NCOA2: variants seen among roughly 807,000 people sequenced by gnomAD.
NCOA2 encodes the protein nuclear receptor coactivator 2, also known as class E basic helix-loop-helix protein 75.
Under a neutral mutation model 145.1 loss-of-function variants are expected in NCOA2, and 21 were observed. The ratio of observed to expected loss-of-function variants is 0.14; its 90% CI spans 0.10 to 0.21. The LOEUF (loss-of-function observed/expected upper bound fraction) is 0.21. Ranked by LOEUF, NCOA2 falls within the 10% of genes least tolerant of loss-of-function variation. The pLI is 1.00. For synonymous variants in NCOA2, 619 were observed against 637.5 expected (o/e 0.97, Z 0.44); for missense variants, 1,472 against 1,837.6 (o/e 0.80, Z 3.64).
chr8:70,420,460 A>G, the NCOA2 span, among the ~76,000 whole-genome samples: 1 of 152,210 alleles, frequency 6.6e-6, no homozygotes, highest in Non-Finnish European at 1.5e-5. Flanking sequence ...GCTGAGAACT[A>G]CTATGCTAAC....
At chr8:70,165,907 C>T (rs1428273396) in intron 7 of NCOA2, among the ~76,000 whole-genome samples, 2 of 152,194 alleles carry the variant, frequency 1.3e-5, no homozygotes, top group Non-Finnish European at 2.9e-5. Flanking sequence ...GCAACCTCCG[C>T]CTCTCAGGTT....
intron 1 of NCOA2, among the ~76,000 whole-genome samples, chr8:70,356,226 G>A (rs1460169249): frequency 1.3e-5 from 2 of 152,166 alleles, no homozygotes. Context: ...GGAAGCTGAG[G>A]TAGGCATATG....
chr8:70,288,480 C>T (rs1294902498), intron 2 of NCOA2, among the ~76,000 whole-genome samples: 1 of 151,930 alleles, frequency 6.6e-6, no homozygotes, highest in Non-Finnish European at 1.5e-5. Flanking sequence ...CTCGGGGAAG[C>T]TGAGGCAGGA....
At chr8:70,403,853 TC>T, upstream of NCOA2, 1 of 378,724 alleles carries the variant, frequency 2.6e-6, no homozygotes, top group East Asian at 3.8e-5. Context: ...AACTCCCTCC[TC>T]CTCCTCCTCC....
chr8:70,419,230 G>A, the NCOA2 span, among the ~76,000 whole-genome samples: 1 of 151,852 alleles, frequency 6.6e-6, no homozygotes, highest in Non-Finnish European at 1.5e-5. Context: ...TTTTAAGTAG[G>A]GACATTGTTG....
In NCOA2 at chr8:70,228,500, T is replaced by C. The variant is rs193187630; in HGVS notation, c.-19-11736A>G. Among the ~76,000 whole-genome samples the C allele has an allele frequency of 4.3e-3, 650 of 152,320 alleles. 2 individuals are homozygous for C. The highest frequency in any genetic ancestry group is 0.01 in the African/African-American group (430 of 41,572). On this transcript the variant is annotated intron_variant, in intron 2 of 22. Coordinates refer to ENST00000452400, the MANE Select transcript of NCOA2 (RefSeq NM_006540.4). ...ACGCTTTGTGGAACTAAATATGTAA[T>C]TGGATTCAAGAAAGGTAGCTTCTAG... is the stretch of plus-strand genomic sequence containing the variant.
intron 2 of NCOA2, among the ~76,000 whole-genome samples, chr8:70,266,037 C>T (rs1203541062): frequency 6.6e-6 from 1 of 152,178 alleles, no homozygotes; most frequent in African/African-American, 2.4e-5. Flanking sequence ...GTAGGCCCAG[C>T]TGCTCAGGAG....
At chr8:70,310,727 T>G (rs1288405176) in intron 1 of NCOA2, among the ~76,000 whole-genome samples, 1 of 152,188 alleles carries the variant, frequency 6.6e-6, no homozygotes, top group African/African-American at 2.4e-5. Context: ...TCTGTCTAGG[T>G]GTGCTACAAT....
At chr8:70,170,119 C>T in intron 6 of NCOA2, 83 bp downstream of exon 6, 1 of 1,286,828 alleles carries the variant, frequency 7.8e-7, no homozygotes. Flanking sequence ...TTATTTGATC[C>T]ACTTCAACCA....
At position 70,163,516 on chromosome 8, in the gene NCOA2, T is replaced by G; in HGVS notation, c.781A>C (p.Arg261=). ...CTTTCTGATGAGGGAAGAACTGGTC[T>G]TTCCTTCATGGGAACTCTTCTTGCC... The part of the protein sequence containing the change: ...CVARRVPMKE[R]PVLPSSESFT... The change falls in exon 8 of 23, where the codon AGA becomes CGA. Residue 261 remains arginine (R), a synonymous_variant. Transcript: ENST00000452400. 6.2e-7 allele frequency: 1 copy of G among 1,613,984 alleles called. No individual in the cohort carries two copies. Among genetic ancestry groups the G allele is most frequent in the South Asian group, 1.1e-5 (1 of 91,086 alleles).
intron 4 of NCOA2, among the ~76,000 whole-genome samples, chr8:70,184,269 C>A (rs990561170): frequency 1.3e-5 from 2 of 152,160 alleles, no homozygotes; most frequent in Admixed American, 1.3e-4. Context: ...AGTCCAGATT[C>A]TCATCTAGGA....
intron 1 of NCOA2, among the ~76,000 whole-genome samples, chr8:70,332,182 T>C (rs891984723): frequency 6.6e-6 from 1 of 152,138 alleles, no homozygotes; most frequent in Non-Finnish European, 1.5e-5. Flanking sequence ...CTGGACAAAG[T>C]AAATACATTT....
intron 2 of NCOA2, among the ~76,000 whole-genome samples, chr8:70,230,029 G>C (rs1421199637): frequency 2.0e-5 from 3 of 152,178 alleles, no homozygotes; most frequent in African/African-American, 7.2e-5. Context: ...TTACTTTGTA[G>C]AGTCTGAAAA....
At chr8:70,193,761 T>C (rs367913184) in intron 4 of NCOA2, among the ~76,000 whole-genome samples, 3 of 152,178 alleles carry the variant, frequency 2.0e-5, no homozygotes, top group African/African-American at 7.2e-5. Context: ...GCCCATCTAA[T>C]GTAGACAGGC....
At chr8:70,138,120 T>C (rs1399083143) in intron 15 of NCOA2, 83 bp downstream of exon 15, 72 of 1,437,078 alleles carry the variant, frequency 5.0e-5, no homozygotes, top group Non-Finnish European at 6.7e-5. Context: ...TGAAAACTGG[T>C]CAGGCACCGA....
chr8:70,431,970 AG>A, the NCOA2 span, among the ~76,000 whole-genome samples: 2 of 152,272 alleles, frequency 1.3e-5, no homozygotes, highest in Non-Finnish European at 2.9e-5. Context: ...GCACCAGACT[AG>A]GAATCAAAGT....
intron 2 of NCOA2, among the ~76,000 whole-genome samples, chr8:70,250,128 T>C (rs1409537793): frequency 6.6e-6 from 1 of 150,452 alleles, no homozygotes; most frequent in Non-Finnish European, 1.5e-5. Flanking sequence ...CGGTGGCTCA[T>C]GCCCTGTAAT....
chr8:70,131,876 C>A lies in NCOA2; in HGVS notation c.3285G>T (p.Glu1095Asp), dbSNP rs1445586227. 4 of 1,600,798 alleles carry A rather than the reference C, an allele frequency of 2.5e-6. No homozygotes were observed. Among genetic ancestry groups the A allele is most frequent in the Non-Finnish European group, 3.4e-6 (4 of 1,173,978 alleles). Residue 1095 changes from glutamate to aspartate, a missense_variant, in exon 16 of 23, where the codon GAG (glutamate) becomes GAT (aspartate). Glu to Asp is a conservative substitution (Grantham distance 45). Around this residue, in one of 4 missense-constraint regions of NCOA2, gnomAD observed 953 missense variants for 1,062.1 expected, o/e 0.90. Coordinates refer to ENST00000452400, the MANE Select transcript of NCOA2 (RefSeq NM_006540.4). ...CGGGTATTCCTAAGGCTCTATCAAT[C>A]TCCTCCAGGCCATCAAAATTCCGCA... ...LALRNFDGLE[E>D]IDRALGIPEL...
chr8:70,438,219 T>G, the NCOA2 span, among the ~76,000 whole-genome samples: 1 of 152,230 alleles, frequency 6.6e-6, no homozygotes, highest in Non-Finnish European at 1.5e-5. Context: ...CACTAATTAT[T>G]CAGAGAATTT....
Sources: allele counts gnomAD v4.1 joint callset (sites outside exome capture counted in the v4.1 genomes callset), GRCh38; gene constraint gnomAD v4.1.1; regional missense constraint gnomAD v4.1.1; transcripts MANE v1.5; gene names NCBI Gene and HGNC (gene_info 2026-07-23, HGNC 2026-07-21).